ZP3: variants seen among roughly 807,000 people sequenced by gnomAD.
The protein encoded by ZP3 is zona pellucida glycoprotein 3.
A neutral mutation model predicts 35.6 loss-of-function variants in ZP3; 21 were observed. The ratio of observed to expected loss-of-function variants is 0.59; its 90% CI spans 0.42 to 0.85. The LOEUF (loss-of-function observed/expected upper bound fraction) is 0.85. ZP3 is among the 40% of genes least tolerant of loss of function. The pLI is 0.00. For synonymous variants in ZP3, 207 were observed against 214.5 expected, an observed-to-expected ratio of 0.96 and a Z score of 0.31; for missense variants, 437 against 536.5, an observed-to-expected ratio of 0.81 and a Z score of 1.83.
chr7:76,432,289 C>T (rs943856238), intron 2 of ZP3, among the ~76,000 whole-genome samples: 5 of 151,936 alleles, frequency 3.3e-5, no homozygotes, highest in Admixed American at 6.6e-5. Flanking sequence ...CCGAGGTTCA[C>T]GCCATTCTCC....
At chr7:76,425,723 G>T (rs1805631002) in intron 1 of ZP3, among the ~76,000 whole-genome samples, 1 of 152,136 alleles carries the variant, frequency 6.6e-6, no homozygotes, top group Non-Finnish European at 1.5e-5. Flanking sequence ...CCAGCACTAT[G>T]GGAGGCCAAG....
At chr7:76,397,596 G>A in exon 1 of ZP3, 1 of 1,607,492 alleles carries the variant, frequency 6.2e-7, no homozygotes, top group Non-Finnish European at 8.5e-7. Context: ...GCTGCCAGGC[G>A]GGGCTCGCCG....
intron 1 of ZP3, among the ~76,000 whole-genome samples, chr7:76,410,740 A>G (rs1488698073): frequency 1.3e-5 from 2 of 152,028 alleles, no homozygotes; most frequent in Non-Finnish European, 2.9e-5. Context: ...CATACCTGTA[A>G]TCCCAGCACT....
At chr7:76,439,581 C>T (rs1317953569) in intron 5 of ZP3, among the ~76,000 whole-genome samples, 6 of 149,630 alleles carry the variant, frequency 4.0e-5, no homozygotes, top group African/African-American at 1.5e-4. Flanking sequence ...TGGCTTGTAC[C>T]CGTAATTCCA....
chr7:76,407,207 C>G (rs530217847), intron 1 of ZP3, among the ~76,000 whole-genome samples: 2 of 152,166 alleles, frequency 1.3e-5, no homozygotes, highest in Non-Finnish European at 2.9e-5. Flanking sequence ...GTGATACACC[C>G]GCCTCGGTCT....
chr7:76,438,109 T>C (rs1295795967), intron 5 of ZP3, among the ~76,000 whole-genome samples: 3 of 152,240 alleles, frequency 2.0e-5, no homozygotes, highest in African/African-American at 7.2e-5. Context: ...GGTGGCAGAA[T>C]TGCCATGCTC....
chr7:76,397,805 C>T, intron 1 of ZP3: 1 of 1,597,884 alleles, frequency 6.3e-7, no homozygotes, highest in Non-Finnish European at 8.5e-7. Flanking sequence ...CAGGTTCGCG[C>T]CCCCTACCAG....
chr7:76,428,676 TTG>T (rs1805742572), intron 1 of ZP3: 1 of 152,312 alleles, frequency 6.6e-6, no homozygotes, highest in Non-Finnish European at 1.5e-5. Context: ...ATGTGGGTTG[TTG>T]TGTTTTTTGT....
chr7:76,425,831 TGTG>T (rs1805633631), intron 1 of ZP3, among the ~76,000 whole-genome samples: 1 of 151,862 alleles, frequency 6.6e-6, no homozygotes, highest in Non-Finnish European at 1.5e-5. Context: ...TGGGGCCTGG[TGTG>T]GTGGCTCACG....
At chr7:76,402,278 C>T (rs58514873) in intron 1 of ZP3, among the ~76,000 whole-genome samples, 27,441 of 150,854 alleles carry the variant, frequency 0.18, 2,738 homozygotes, top group South Asian at 0.25. Flanking sequence ...CTCCTGGGTT[C>T]AAGTGATTCT....
rs998368083 is a variant in ZP3 at position 76,416,945 on chromosome 7, C to T, written c.-66-8107C>T. ...ATATACACATACATATGTATACATA[C>T]ATATATATATATATATATATATATA... is the stretch of plus-strand genomic sequence containing the variant. On this transcript the variant is annotated intron_variant, in intron 1 of 8. Coordinates refer to the ZP3 transcript ENST00000336517. Among the ~76,000 whole-genome samples, 274 of 73,216 alleles carry T rather than the reference C, an allele frequency of 3.7e-3. 4 individuals carry two copies. The highest frequency in any genetic ancestry group is 0.014 in the African/African-American group (241 of 17,478). 48.0% of individuals were successfully genotyped at this position (73,216 alleles called of 152,430 possible). A position where few individuals can be genotyped will look rare whatever the true frequency, so the allele number is the denominator to read the frequency against.
chr7:76,410,386 T>C (rs1299713929), intron 1 of ZP3, among the ~76,000 whole-genome samples: 1 of 151,346 alleles, frequency 6.6e-6, no homozygotes, highest in African/African-American at 2.4e-5. Context: ...AGTTTCGCTC[T>C]TGTTGCCCAG....
chr7:76,425,120 G>A lies in ZP3; in HGVS notation c.156G>A (p.Met52Ile), dbSNP rs746141666. 1.9e-5 allele frequency: 31 copies of A among 1,613,920 alleles called. No homozygotes were observed. The Admixed American group carries it at 2.7e-4, about 14-fold the overall frequency. ...TGGAGTGTCAGGAGGCCACTCTGAT[G>A]GTCATGGTCAGCAAAGACCTTTTTG... ...VLVECQEATL[M>I]VMVSKDLFGT... Residue 52 changes from methionine (M) to isoleucine (I), a missense_variant, in exon 1 of 8, where the codon ATG becomes ATA. Met to Ile is a conservative substitution (Grantham distance 10). Coordinates refer to ENST00000394857, the MANE Select transcript of ZP3 (RefSeq NM_001110354.2).
At chr7:76,408,529 C>T (rs189588872) in intron 1 of ZP3, among the ~76,000 whole-genome samples, 1 of 152,300 alleles carries the variant, frequency 6.6e-6, no homozygotes, top group Non-Finnish European at 1.5e-5. Flanking sequence ...TCAGCCCCCA[C>T]CCTGGGGACA....
chr7:76,408,558 T>C (rs1805122239), intron 1 of ZP3, among the ~76,000 whole-genome samples: 2 of 152,094 alleles, frequency 1.3e-5, no homozygotes, highest in Admixed American at 6.6e-5. Context: ...CCAGAGACCC[T>C]GCCAGGAATC....
chr7:76,426,191 A>AG (rs1456292971), intron 1 of ZP3, among the ~76,000 whole-genome samples: 1 of 152,120 alleles, frequency 6.6e-6, no homozygotes, highest in Non-Finnish European at 1.5e-5. Flanking sequence ...GGCAGCTCCA[A>AG]GGGGGAGAGG....
chr7:76,433,572 T>C lies in ZP3; in HGVS notation c.638T>C (p.Phe213Ser). ...GGCAGCCACGTGCCACTGCGGTTGT[T>C]TGTGGACCACTGCGTGGCCACACCG... Reference protein sequence around the residue: ...HTGSHVPLRLFVDHCVATPTP... With the variant: ...HTGSHVPLRLSVDHCVATPTP... Residue 213 changes from phenylalanine to serine, a missense_variant, in exon 4 of 8, where the codon TTT (phenylalanine) becomes TCT (serine). By Grantham distance (155) the Phe-to-Ser change is radical. Around this residue, in one of 6 missense-constraint regions of ZP3, gnomAD observed 352 missense variants for 308.4 expected, o/e 1.14. Coordinates refer to ENST00000394857, the MANE Select transcript of ZP3 (RefSeq NM_001110354.2). The C allele has an allele frequency of 6.2e-7, 1 of 1,614,202 alleles. No individual in the cohort carries two copies. Among genetic ancestry groups the C allele is most frequent in the African/African-American group, 1.3e-5 (1 of 75,058 alleles).
chr7:76,405,339 C>CTTTCTTTCTTT lies in ZP3; in HGVS notation c.-67+7545_-67+7546insCTTTCTTTTTT, dbSNP rs1271510975. 7.5e-4 allele frequency among the ~76,000 whole-genome samples: 16 copies of CTTTCTTTCTTT among 21,384 alleles called. 1 individual carries two copies. Among genetic ancestry groups the CTTTCTTTCTTT allele is most frequent in the African/African-American group, 1.7e-3 (8 of 4,726 alleles). The allele number at this position is 21,384 out of a possible 152,430, so 14.0% of individuals were successfully genotyped here. A position where few individuals can be genotyped will look rare whatever the true frequency, so the allele number is the denominator to read the frequency against. On this transcript the variant is annotated intron_variant, in intron 1 of 8. Coordinates refer to the ZP3 transcript ENST00000336517. ...TATGTATTTTTTTCTTTCTTTCTTT[C>CTTTCTTTCTTT]TTTTTTTTTTTTTTTTTTTTTTGGT...
chr7:76,398,294 G>A (rs73361541), intron 1 of ZP3, among the ~76,000 whole-genome samples: 7,516 of 148,162 alleles, frequency 0.051, 573 homozygotes, highest in African/African-American at 0.17. Context: ...CAGTCTCACC[G>A]CCCATTCATT....
Sources: gnomAD v4.1 joint callset for allele counts (sites outside exome capture counted in the v4.1 genomes callset) on GRCh38, gnomAD v4.1.1 for gene constraint, gnomAD v4.1.1 regional missense constraint, MANE v1.5 for transcripts, NCBI Gene and HGNC (gene_info 2026-07-23, HGNC 2026-07-21) for gene names.